Variants in ST3GAL3 observed in about 807,000 individuals in gnomAD.
The protein encoded by ST3GAL3 is CMP-N-acetylneuraminate-beta-1,4-galactoside alpha-2,3-sialyltransferase.
A neutral mutation model predicts 50.1 loss-of-function variants in ST3GAL3; 21 were observed. The ratio of observed to expected loss-of-function variants is 0.42; its 90% confidence interval spans 0.30 to 0.60. The LOEUF (loss-of-function observed/expected upper bound fraction) is 0.60. Ranked by LOEUF, ST3GAL3 falls within the 20% of genes least tolerant of loss-of-function variation. ST3GAL3 has a pLI of 0.19. For missense variants in ST3GAL3, 353 were observed against 489.4 expected, an observed-to-expected ratio of 0.72 and a Z score of 2.63; for synonymous variants, 183 against 190.0, an observed-to-expected ratio of 0.96 and a Z score of 0.30.
Position 43,791,181 on chromosome 1 carries a change from A to G in ST3GAL3, c.119-921A>G, listed in dbSNP as rs368800395. 3.1e-4 allele frequency among the ~76,000 whole-genome samples: 47 copies of G among 151,534 alleles called. No homozygotes were observed. The South Asian group carries it at 9.8e-3, about 32-fold the overall frequency. On this transcript the variant is annotated intron_variant, in intron 2 of 11. Coordinates refer to ENST00000347631, the MANE Select transcript of ST3GAL3 (RefSeq NM_006279.5). ...GAGATGTCTTCCCTATCCAGTACCCACTCCCCTTCTGTACTCAGTCCAGTT... is the reference window on the plus strand; with the variant it reads ...GAGATGTCTTCCCTATCCAGTACCCGCTCCCCTTCTGTACTCAGTCCAGTT...
intron 5 of ST3GAL3, among the ~76,000 whole-genome samples, chr1:43,858,781 G>C (rs1337583482): frequency 6.6e-6 from 1 of 152,206 alleles, no homozygotes; most frequent in East Asian, 1.9e-4. Context: ...CACCTGGGGA[G>C]ACAGGTCACT....
intron 5 of ST3GAL3, among the ~76,000 whole-genome samples, chr1:43,871,656 A>G (rs866909914): frequency 0.022 from 174 of 7,790 alleles, no homozygotes; most frequent in Admixed American, 0.044. Context: ...AGAAGATGGG[A>G]TGTGAGGGAG....
At chr1:43,730,666 G>T (rs1675325380) in intron 1 of ST3GAL3, among the ~76,000 whole-genome samples, 1 of 150,426 alleles carries the variant, frequency 6.6e-6, no homozygotes, top group Non-Finnish European at 1.5e-5. Flanking sequence ...AAACTTATGG[G>T]CTCAAGCAAT....
intron 4 of ST3GAL3, among the ~76,000 whole-genome samples, chr1:43,817,358 TCTTC>T (rs1163224104): frequency 7.0e-4 from 102 of 145,332 alleles, no homozygotes; most frequent in African/African-American, 2.5e-3. Flanking sequence ...TTCTTCTTCT[TCTTC>T]CTTCTTCTCC....
At chr1:43,715,275 T>A (rs1666814930) in intron 1 of ST3GAL3, among the ~76,000 whole-genome samples, 1 of 151,240 alleles carries the variant, frequency 6.6e-6, no homozygotes, top group Non-Finnish European at 1.5e-5. Context: ...AAAAAAAAAA[T>A]GATAAAAAAT....
Position 43,899,670 on chromosome 1 carries a change from C to T in ST3GAL3, c.687C>T (p.Ala229=), listed in dbSNP as rs767413078. The T allele has an allele frequency of 1.5e-5, 25 of 1,614,004 alleles. No homozygotes were observed. The highest frequency in any genetic ancestry group is 7.7e-5 in the South Asian group (7 of 91,084). ...QYERDSLFVL[A]GFKWQDFKWL... is the part of the protein sequence containing the mutation. ...AGCGCGATTCTCTCTTTGTCCTCGC[C>T]GGCTTCAAGTGGCAGGACTTTAAGT... The change falls in exon 9 of 12, where the codon GCC becomes GCT. Residue 229 remains alanine (A), a synonymous_variant. Coordinates refer to ENST00000347631, the MANE Select transcript of ST3GAL3 (RefSeq NM_006279.5). The surrounding 1 kb of genome is among the most constrained non-coding windows in gnomAD (Gnocchi z 5.4).
chr1:43,751,409 A>T (rs918539691), intron 2 of ST3GAL3, among the ~76,000 whole-genome samples: 2 of 152,208 alleles, frequency 1.3e-5, no homozygotes, highest in Non-Finnish European at 2.9e-5. Context: ...GCATGCACAG[A>T]TATATGTACA....
At chr1:43,777,482 C>T (rs1220251965) in intron 2 of ST3GAL3, among the ~76,000 whole-genome samples, 2 of 152,192 alleles carry the variant, frequency 1.3e-5, no homozygotes, top group Non-Finnish European at 2.9e-5. Flanking sequence ...CACACACCTA[C>T]AACCATCTGA....
At chr1:43,744,928 T>A (rs1336386369) in intron 2 of ST3GAL3, among the ~76,000 whole-genome samples, 1 of 151,540 alleles carries the variant, frequency 6.6e-6, no homozygotes. Flanking sequence ...GAGACAGAGG[T>A]TGCAGTGAGC....
At chr1:43,891,574 A>C (rs541827283) in intron 5 of ST3GAL3, among the ~76,000 whole-genome samples, 23 of 152,304 alleles carry the variant, frequency 1.5e-4, no homozygotes, top group Admixed American at 6.5e-4. Context: ...CATTTCAAAA[A>C]AATAAGTAAT....
chr1:43,722,264 A>T (rs149792801), intron 1 of ST3GAL3, among the ~76,000 whole-genome samples: 18 of 151,982 alleles, frequency 1.2e-4, no homozygotes, highest in Admixed American at 2.0e-4. Context: ...TGGGAAGTAA[A>T]TAAAGCGGTG....
intron 2 of ST3GAL3, among the ~76,000 whole-genome samples, chr1:43,746,215 C>T (rs991147415): frequency 1.7e-4 from 26 of 152,104 alleles, no homozygotes; most frequent in African/African-American, 6.0e-4. Flanking sequence ...ATGTTAAATG[C>T]GTAAGCCAGT....
At chr1:43,890,482 G>T (rs1408554475) in intron 5 of ST3GAL3, among the ~76,000 whole-genome samples, 1 of 152,196 alleles carries the variant, frequency 6.6e-6, no homozygotes, top group Non-Finnish European at 1.5e-5. Context: ...TAGCCGAAGT[G>T]TTAGAGGAGA....
chr1:43,750,629 C>T (rs1685655698), intron 2 of ST3GAL3, among the ~76,000 whole-genome samples: 1 of 152,078 alleles, frequency 6.6e-6, no homozygotes, highest in Non-Finnish European at 1.5e-5. Flanking sequence ...GTGGCTAATG[C>T]CTGTAATCCC....
intron 2 of ST3GAL3, chr1:43,738,878 G>A (rs1174121593): frequency 6.6e-6 from 1 of 152,084 alleles, no homozygotes; most frequent in African/African-American, 2.4e-5. Context: ...TTTAGGCTGT[G>A]TTTTAATAAT....
intron 5 of ST3GAL3, chr1:43,850,271 A>G: frequency 2.1e-6 from 1 of 471,338 alleles, no homozygotes; most frequent in Non-Finnish European, 4.1e-6. Context: ...CTGTGGCACC[A>G]GGTGCATCCA....
chr1:43,841,446 A>G (rs143545406), intron 5 of ST3GAL3: 2 of 152,174 alleles, frequency 1.3e-5, no homozygotes, highest in Non-Finnish European at 2.9e-5. Context: ...CACTCTGTGC[A>G]CTCTTAATAC....
intron 2 of ST3GAL3, among the ~76,000 whole-genome samples, chr1:43,747,561 A>ATTTTTT (rs71579307): frequency 3.3e-5 from 3 of 90,614 alleles, no homozygotes; most frequent in Admixed American, 1.2e-4. Flanking sequence ...TAGCTCAGGG[A>ATTTTTT]TTTTTTTTTT....
chr1:43,791,954 GTGGGCA>G, intron 2 of ST3GAL3, 142 bp from the exon 3 acceptor site: 1 of 878,850 alleles, frequency 1.1e-6, no homozygotes, highest in Non-Finnish European at 1.9e-6. Context: ...CAGTGGATGG[GTGGGCA>G]TGGGCCTGGG....
Sources: allele counts gnomAD v4.1 joint callset (sites outside exome capture counted in the v4.1 genomes callset), GRCh38; gene constraint gnomAD v4.1.1; non-coding constraint Gnocchi (gnomAD v3.1); transcripts MANE v1.5; gene names NCBI Gene and HGNC (gene_info 2026-07-23, HGNC 2026-07-21).